Variants in SEC11A observed in about 807,000 individuals in gnomAD.
SEC11A encodes SEC11 homolog A, signal peptidase complex subunit.
Under a neutral mutation model 25.6 loss-of-function variants are expected in SEC11A, and 14 were observed. The observed-to-expected ratio is 0.55, with a 90% CI of 0.36 to 0.85. The LOEUF is 0.85. Among genes scored for constraint, SEC11A ranks in the 40% least tolerant of loss-of-function variants. The pLI is 0.01. For missense variants in SEC11A, 153 were observed against 222.9 expected (o/e 0.69, Z 2.00); for synonymous variants, 83 against 76.4 (o/e 1.09, Z -0.45).
intron 1 of SEC11A, chr15:84,714,648 A>T (rs986872394): frequency 3.9e-5 from 6 of 152,222 alleles, no homozygotes; most frequent in Non-Finnish European, 8.8e-5. Context: ...CTAGCTTTAG[A>T]GTCCATATTC....
intron 2 of SEC11A, among the ~76,000 whole-genome samples, chr15:84,689,261 AC>A (rs928377428): frequency 6.6e-6 from 1 of 152,078 alleles, no homozygotes; most frequent in Admixed American, 6.6e-5. Context: ...TGTTCTTATC[AC>A]AAAAAAATAG....
At chr15:84,698,466 A>C (rs925737956) in intron 1 of SEC11A, among the ~76,000 whole-genome samples, 2 of 152,202 alleles carry the variant, frequency 1.3e-5, no homozygotes, top group African/African-American at 4.8e-5. Context: ...TAGATATTAC[A>C]GAAGGTATAC....
At chr15:84,684,013 GAAGGA>G (rs1298150849) in intron 3 of SEC11A, among the ~76,000 whole-genome samples, 1 of 152,124 alleles carries the variant, frequency 6.6e-6, no homozygotes, top group Non-Finnish European at 1.5e-5. Context: ...AAATTAGGAA[GAAGGA>G]AATAACCACT....
intron 2 of SEC11A, among the ~76,000 whole-genome samples, chr15:84,689,609 CTTTTT>C (rs11316103): frequency 1.4e-4 from 17 of 122,556 alleles, no homozygotes; most frequent in African/African-American, 3.8e-4. Context: ...TCTTTTCTTT[CTTTTT>C]TTTTTTTTTT....
At chr15:84,708,521 G>C (rs951557010) in intron 1 of SEC11A, among the ~76,000 whole-genome samples, 6 of 151,994 alleles carry the variant, frequency 3.9e-5, no homozygotes, top group African/African-American at 1.4e-4. Context: ...CTAGGTTTCT[G>C]TATGTTTCAC....
intron 1 of SEC11A, among the ~76,000 whole-genome samples, chr15:84,713,797 A>G (rs112792955): frequency 2.6e-5 from 4 of 152,190 alleles, no homozygotes; most frequent in African/African-American, 9.6e-5. Context: ...TTCCCTTTTG[A>G]TTATTGGAAT....
At chr15:84,680,093 G>A in intron 4 of SEC11A, 1 of 547,442 alleles carries the variant, frequency 1.8e-6, no homozygotes, top group Non-Finnish European at 3.1e-6. Context: ...TTGAGTTATT[G>A]ACTTAGTACT....
intron 1 of SEC11A, among the ~76,000 whole-genome samples, chr15:84,712,780 C>G (rs926156204): frequency 6.6e-6 from 1 of 152,122 alleles, no homozygotes; most frequent in Non-Finnish European, 1.5e-5. Context: ...AATACATACT[C>G]TATGATTCCA....
At position 84,669,788 on chromosome 15, in the gene SEC11A, C is replaced by G; in HGVS notation, c.*231G>C. ...GATGTACAAAAATTTGAAAGTGTGA[C>G]AATGACAATTATGAAATCCTGTGAC... On this transcript the variant is annotated 3_prime_UTR_variant, in exon 6 of 6. Coordinates refer to ENST00000268220, the MANE Select transcript of SEC11A (RefSeq NM_014300.4). 1 of 534,150 alleles carries G rather than the reference C, an allele frequency of 1.9e-6. No individual in the cohort carries two copies. The allele number at this position is 534,150 out of a possible 1,614,324, so 33.1% of individuals were successfully genotyped here.
chr15:84,704,637 C>T (rs1323218250), intron 1 of SEC11A, among the ~76,000 whole-genome samples: 2 of 152,160 alleles, frequency 1.3e-5, no homozygotes, highest in Admixed American at 6.6e-5. Flanking sequence ...ATAGTGCTCA[C>T]CTCAGGGACC....
intron 1 of SEC11A, among the ~76,000 whole-genome samples, chr15:84,705,113 C>T (rs558437799): frequency 7.9e-5 from 12 of 152,114 alleles, no homozygotes; most frequent in African/African-American, 2.4e-4. Context: ...CTTGTAGAGA[C>T]GGGGTCTCAC....
intron 1 of SEC11A, among the ~76,000 whole-genome samples, chr15:84,696,466 T>C (rs1356412370): frequency 1.3e-5 from 2 of 152,144 alleles, no homozygotes; most frequent in Admixed American, 6.5e-5. Context: ...ACTAAAAATA[T>C]CACCTACAGT....
rs563411307 is a variant in SEC11A at position 84,683,413 on chromosome 15, AAACAAACAAACT to A, written c.312-2593_312-2582del. ...CAAACAAACAAACAAACAAACAAAC[AAACAAACAAACT>A]AACTAACACACCCAATTTCCCCTTC... On this transcript the variant is annotated intron_variant, in intron 3 of 5. Coordinates refer to ENST00000268220, the MANE Select transcript of SEC11A (RefSeq NM_014300.4). 5.0e-3 allele frequency among the ~76,000 whole-genome samples: 750 copies of A among 151,356 alleles called. 11 individuals carry two copies. Among genetic ancestry groups the A allele is most frequent in the African/African-American group, 0.017 (712 of 40,722 alleles).
chr15:84,687,620 C>T lies in SEC11A; in HGVS notation c.311+5G>A. The T allele has an allele frequency of 1.3e-6, 2 of 1,568,170 alleles. No individual in the cohort carries two copies. The highest frequency in any genetic ancestry group is 1.7e-6 in the Non-Finnish European group (2 of 1,167,668). On this transcript the variant is annotated splice_donor_5th_base_variant and intron_variant, in intron 3 of 5. Coordinates refer to ENST00000268220, the MANE Select transcript of SEC11A (RefSeq NM_014300.4). ...AGAAACAAAGATGCTATACTTTGCA[C>T]ATACTTTTCATGAATCTTCAAGACT...
intron 1 of SEC11A, among the ~76,000 whole-genome samples, chr15:84,698,146 G>A (rs1370274213): frequency 6.6e-6 from 1 of 152,030 alleles, no homozygotes; most frequent in Non-Finnish European, 1.5e-5. Context: ...AATTCAGCAA[G>A]ATAAAAGTTG....
chr15:84,708,247 T>A (rs1045300289), intron 1 of SEC11A, among the ~76,000 whole-genome samples: 3 of 148,772 alleles, frequency 2.0e-5, no homozygotes, highest in African/African-American at 7.4e-5. Flanking sequence ...TACCTGTTGA[T>A]GTTAATTGCA....
At chr15:84,713,495 T>A (rs1898353339) in intron 1 of SEC11A, among the ~76,000 whole-genome samples, 1 of 152,146 alleles carries the variant, frequency 6.6e-6, no homozygotes, top group South Asian at 2.1e-4. Context: ...TTCATAACTC[T>A]CCCTCACCCC....
In SEC11A at chr15:84,669,895, AC is replaced by A; in HGVS notation, c.*123del. 2 of 1,557,666 alleles carry A rather than the reference AC, an allele frequency of 1.3e-6. No individual in the cohort carries two copies. Among genetic ancestry groups the A allele is most frequent in the East Asian group, 4.7e-5 (2 of 42,146 alleles). ...GGCATGGAAACATAAACTAATGCAA[AC>A]CAGTGCTACCCAGAAGCACCAACAC... is the stretch of plus-strand genomic sequence containing the variant. On this transcript the variant is annotated 3_prime_UTR_variant, in exon 6 of 6. Coordinates refer to ENST00000268220, the MANE Select transcript of SEC11A (RefSeq NM_014300.4).
chr15:84,685,208 C>T lies in SEC11A; in HGVS notation c.311+2417G>A, dbSNP rs561821755. Among the ~76,000 whole-genome samples the T allele has an allele frequency of 1.8e-4, 27 of 152,122 alleles. No homozygotes were observed. The South Asian group carries it at 5.6e-3, about 32-fold the overall frequency. On this transcript the variant is annotated intron_variant, in intron 3 of 5. Coordinates refer to ENST00000268220, the MANE Select transcript of SEC11A (RefSeq NM_014300.4). ...ATATATTCTCTGTCTATGAATCTGC[C>T]CAGAAGCAGTTTTAAACTTAAGTCT...
Sources: allele counts gnomAD v4.1 joint callset (sites outside exome capture counted in the v4.1 genomes callset), GRCh38; gene constraint gnomAD v4.1.1; transcripts MANE v1.5; gene names NCBI Gene and HGNC (gene_info 2026-07-23, HGNC 2026-07-21).